The following USP37 variants were observed in gnomAD, a reference collection of about 807,000 sequenced individuals.
The protein encoded by USP37 is ubiquitin specific peptidase 37.
USP37 carries 27 observed loss-of-function variants against 124.0 expected under a neutral mutation model. The ratio of observed to expected loss-of-function variants is 0.22; its 90% CI spans 0.16 to 0.30. The LOEUF (loss-of-function observed/expected upper bound fraction) is 0.30, where lower values mean the gene tolerates loss of function less well. Among genes scored for constraint, USP37 ranks in the 10% least tolerant of loss-of-function variants. The pLI, the probability that USP37 is intolerant of heterozygous loss-of-function variation, is 1.00. For missense variants in USP37, 889 were observed against 1,140.4 expected (o/e 0.78, Z 3.17); for synonymous variants, 365 against 388.0 (o/e 0.94, Z 0.70).
At chr2:218,504,494 T>C (rs1689574298) in intron 11 of USP37, among the ~76,000 whole-genome samples, 1 of 152,218 alleles carries the variant, frequency 6.6e-6, no homozygotes, top group African/African-American at 2.4e-5. Flanking sequence ...GGCACGACCA[T>C]AGCTCACTGA....
At chr2:218,546,850 TG>T (rs1174299993) in intron 7 of USP37, 68 bp downstream of exon 7, 25 of 1,505,074 alleles carry the variant, frequency 1.7e-5, no homozygotes, top group Admixed American at 2.2e-5. Flanking sequence ...CTCAAATTAC[TG>T]GTATTTCTAA....
chr2:218,517,962 C>T (rs943009937), intron 10 of USP37, among the ~76,000 whole-genome samples: 1 of 151,972 alleles, frequency 6.6e-6, no homozygotes, highest in East Asian at 1.9e-4. Context: ...ATTCCCCCCA[C>T]CCCTTTTTTT....
intron 23 of USP37, 52 bp downstream of exon 23, chr2:218,459,738 G>A: frequency 6.6e-7 from 1 of 1,509,096 alleles, no homozygotes; most frequent in Admixed American, 1.8e-5. Flanking sequence ...GTAAAGAGTG[G>A]GAAGAGTGAC....
intron 17 of USP37, among the ~76,000 whole-genome samples, chr2:218,480,229 T>C (rs972989265): frequency 4.7e-5 from 7 of 150,002 alleles, no homozygotes; most frequent in African/African-American, 1.7e-4. Context: ...AAAACCCGTT[T>C]CTACTAAAAA....
chr2:218,550,077 A>T (rs1042291459), intron 5 of USP37, among the ~76,000 whole-genome samples, 168 bp from the exon 6 acceptor site: 4 of 152,206 alleles, frequency 2.6e-5, no homozygotes, highest in African/African-American at 9.6e-5. Context: ...CAGAATATAC[A>T]TCTTATATAA....
intron 18 of USP37, among the ~76,000 whole-genome samples, chr2:218,478,988 C>G (rs1316450926): frequency 6.6e-6 from 1 of 152,070 alleles, no homozygotes; most frequent in Non-Finnish European, 1.5e-5. Flanking sequence ...TACTTTGGGC[C>G]ATCAAATTTT....
chr2:218,528,802 TGAAAAAAAAAAAAAAAA>T, intron 10 of USP37: 1 of 12,434 alleles, frequency 8.0e-5, no homozygotes. Context: ...CCAATAAATC[TGAAAAAAAAAAAAAAAA>T]AAAAAAAAAA....
chr2:218,474,476 C>T (rs537768601), intron 20 of USP37, among the ~76,000 whole-genome samples, 154 bp downstream of exon 20: 84 of 152,262 alleles, frequency 5.5e-4, no homozygotes, highest in Admixed American at 2.5e-3. Context: ...ATTCTCCTGC[C>T]TCAGCCTCCC....
rs1163366372 is a variant in USP37 at position 218,544,386 on chromosome 2, C to CAAAAAAAA, written c.680+1827_680+1834dup. The stretch of plus-strand genomic sequence containing the variant: ...GGTGACAGAACAAGACTCCGTTTCA[C>CAAAAAAAA]AAAAAAAAAAAAAAAAAAAAATATA... On this transcript the variant is annotated intron_variant, in intron 8 of 25. Coordinates refer to ENST00000258399, the MANE Select transcript of USP37 (RefSeq NM_020935.3). 3.9e-4 allele frequency among the ~76,000 whole-genome samples: 10 copies of CAAAAAAAA among 25,782 alleles called. 2 individuals are homozygous for CAAAAAAAA. The highest frequency in any genetic ancestry group is 3.4e-3 in the African/African-American group (9 of 2,654). The allele number at this position is 25,782 out of a possible 152,430, so 16.9% of individuals were successfully genotyped here.
intron 5 of USP37, among the ~76,000 whole-genome samples, chr2:218,553,119 G>C (rs569263699): frequency 2.0e-4 from 30 of 152,302 alleles, no homozygotes; most frequent in African/African-American, 7.2e-4. Context: ...CTAGTACTAT[G>C]TTAAATAGAA....
In USP37 at chr2:218,548,398, T is replaced by G. The variant is rs1312645867; in HGVS notation, c.430-1307A>C. 8.1e-5 allele frequency among the ~76,000 whole-genome samples: 12 copies of G among 148,490 alleles called. No individual in the cohort carries two copies. In the East Asian group the frequency reaches 2.1e-3, roughly 26 times the overall value. On this transcript the variant is annotated intron_variant, in intron 6 of 25. Coordinates refer to ENST00000258399, the MANE Select transcript of USP37 (RefSeq NM_020935.3). ...CTCTGTCAACCAGGCTGGAGTGCAG[T>G]GGCACAATCACTGCTTCCTGCAGCC...
chr2:218,550,608 T>C (rs1218897068), intron 5 of USP37, among the ~76,000 whole-genome samples: 1 of 142,752 alleles, frequency 7.0e-6, no homozygotes, highest in East Asian at 2.0e-4. Context: ...CTGACATTAT[T>C]ACAGTCCTCA....
intron 2 of USP37, among the ~76,000 whole-genome samples, chr2:218,562,238 T>C (rs1464320410): frequency 6.6e-6 from 1 of 152,230 alleles, no homozygotes; most frequent in African/African-American, 2.4e-5. Flanking sequence ...TGAAGCATGA[T>C]CCAGTAACAG....
intron 10 of USP37, among the ~76,000 whole-genome samples, chr2:218,515,029 G>T (rs1690197288): frequency 6.6e-6 from 1 of 151,768 alleles, no homozygotes; most frequent in African/African-American, 2.4e-5. Context: ...TTACTTTCTG[G>T]CACCACAAGA....
At chr2:218,512,681 C>T (rs1676762537) in intron 10 of USP37, among the ~76,000 whole-genome samples, 1 of 152,160 alleles carries the variant, frequency 6.6e-6, no homozygotes, top group Admixed American at 6.5e-5. Flanking sequence ...TACAACTCTG[C>T]ATTCCTCTAA....
At chr2:218,475,925 C>A (rs1344875596) in intron 19 of USP37, among the ~76,000 whole-genome samples, 91 of 142,424 alleles carry the variant, frequency 6.4e-4, no homozygotes, top group South Asian at 8.8e-4. Flanking sequence ...GACTCCGTCT[C>A]AAAAAAAAAA....
intron 10 of USP37, chr2:218,528,843 AGCTTATC>A: frequency 3.2e-6 from 1 of 307,798 alleles, no homozygotes; most frequent in Non-Finnish European, 5.5e-6. Context: ...AAAAAAAAAG[AGCTTATC>A]TATAGAATTG....
intron 20 of USP37, among the ~76,000 whole-genome samples, chr2:218,467,404 A>G (rs1690409890): frequency 6.6e-6 from 1 of 151,818 alleles, no homozygotes. Flanking sequence ...GCTGGAGTGC[A>G]GTGGCGCGAT....
rs1398137960 is a variant in USP37, at chr2:218,488,343, A to G, written c.1551T>C (p.Pro517=). The change falls in exon 15 of 26, where the codon CCT becomes CCC. Residue 517 remains proline, a synonymous_variant. Transcript: ENST00000258399. ...IDLPRRKKPL[P]PRSIQDSLDL... Reference sequence around the variant, plus strand: ...CAAGAGAATCTTGAATTGAACGAGGAGGGAGTGGTTTTTTCCTACGAGGAA... The same window carrying G: ...CAAGAGAATCTTGAATTGAACGAGGGGGGAGTGGTTTTTTCCTACGAGGAA... 1 of 1,612,630 alleles carries G rather than the reference A, an allele frequency of 6.2e-7. No homozygotes were observed. Among genetic ancestry groups the G allele is most frequent in the Non-Finnish European group, 8.5e-7 (1 of 1,179,238 alleles).
Sources: allele counts gnomAD v4.1 joint callset (sites outside exome capture counted in the v4.1 genomes callset), GRCh38; gene constraint gnomAD v4.1.1; transcripts MANE v1.5; gene names NCBI Gene and HGNC (gene_info 2026-07-23, HGNC 2026-07-21).